The following RUFY4 variants were observed in gnomAD, a reference collection of about 807,000 sequenced individuals.
RUFY4 encodes the protein RUN and FYVE domain containing 4, also known as RUN and FYVE domain-containing protein 4.
In RUFY4, 73 loss-of-function variants were observed where a neutral mutation model predicts 69.0. The ratio of observed to expected loss-of-function variants is 1.06; its 90% CI spans 0.88 to 1.29. RUFY4 has a LOEUF of 1.29. Among genes scored for constraint, RUFY4 ranks in the 50% most tolerant of loss-of-function variants. RUFY4 has a pLI of 0.00. For missense variants in RUFY4, 770 were observed against 705.6 expected (o/e 1.09, Z -1.03); for synonymous variants, 287 against 271.8 (o/e 1.06, Z -0.55).
chr2:218,072,548 A>G (rs1297589465), intron 3 of RUFY4, 49 bp downstream of exon 5: 1 of 1,529,510 alleles, frequency 6.5e-7, no homozygotes, highest in Non-Finnish European at 8.7e-7. Context: ...GGGTAGACAT[A>G]GGCCTCCTCC....
chr2:218,045,968 C>T (rs572073212), intron 2 of RUFY4, among the ~76,000 whole-genome samples: 1 of 152,098 alleles, frequency 6.6e-6, no homozygotes, highest in Admixed American at 6.5e-5. Context: ...TGGCGCCCGG[C>T]TAATTTTTTT....
exon 5 of RUFY4, chr2:218,073,304 T>C: frequency 6.4e-7 from 1 of 1,561,774 alleles, no homozygotes; most frequent in East Asian, 2.4e-5. Flanking sequence ...CATCCTGGAC[T>C]CTCTCTATGC....
intron 3 of RUFY4, among the ~76,000 whole-genome samples, chr2:218,058,877 A>G (rs1310062714): frequency 6.6e-6 from 1 of 152,122 alleles, no homozygotes; most frequent in African/African-American, 2.4e-5. Flanking sequence ...GACACTCCTG[A>G]CTACTGCTTC....
At chr2:218,054,392 T>C (rs913219314) in intron 2 of RUFY4, among the ~76,000 whole-genome samples, 3 of 151,886 alleles carry the variant, frequency 2.0e-5, no homozygotes, top group African/African-American at 7.3e-5. Context: ...CCAACTCTAC[T>C]GAAAATACAA....
chr2:218,060,200 G>T, intron 3 of RUFY4: 1 of 706,518 alleles, frequency 1.4e-6, no homozygotes, highest in Non-Finnish European at 2.3e-6. Context: ...TAGTAAGAAC[G>T]TGGCCTCCTC....
In RUFY4 at chr2:218,077,827, T is replaced by C. The variant is rs116077359; in HGVS notation, c.1355+1294T>C. ...ACTCCACACTCAGCTGAGCACACAG[T>C]GTGGTCGCAAAGGTTTCCACGATTC... On this transcript the variant is annotated intron_variant, in intron 8 of 10. Transcript: ENST00000344321. Among the ~76,000 whole-genome samples, 1,432 of 152,332 alleles carry C rather than the reference T, an allele frequency of 9.4e-3. 29 individuals carry two copies. Among genetic ancestry groups the C allele is most frequent in the African/African-American group, 0.032 (1,335 of 41,582 alleles).
intron 2 of RUFY4, among the ~76,000 whole-genome samples, chr2:218,042,359 C>T (rs10498058): frequency 0.1 from 15,164 of 152,230 alleles, 2,363 homozygotes; most frequent in African/African-American, 0.34. Context: ...CCATTTCTTA[C>T]CAATATGAGC....
exon 10 of RUFY4, chr2:218,089,294 C>T (rs367943866): frequency 5.6e-6 from 9 of 1,613,820 alleles, no homozygotes; most frequent in Middle Eastern, 1.6e-4. Context: ...ATCTCTCTTC[C>T]ATGGCTCCCG....
chr2:218,048,803 GA>G (rs1688883833), intron 2 of RUFY4, among the ~76,000 whole-genome samples: 1 of 152,124 alleles, frequency 6.6e-6, no homozygotes, highest in African/African-American at 2.4e-5. Flanking sequence ...AGAGGAAACA[GA>G]GGTAAACATG....
At chr2:218,074,146 G>A (rs1303136416) in intron 6 of RUFY4, among the ~76,000 whole-genome samples, 1 of 152,100 alleles carries the variant, frequency 6.6e-6, no homozygotes, top group Non-Finnish European at 1.5e-5. Context: ...GCCCAGACAA[G>A]GAGAAAGTGC....
intron 2 of RUFY4, among the ~76,000 whole-genome samples, chr2:218,043,495 G>C (rs1173946743): frequency 6.6e-6 from 1 of 152,178 alleles, no homozygotes; most frequent in Non-Finnish European, 1.5e-5. Flanking sequence ...TCAGCAGAGA[G>C]AGTAGGTCCT....
chr2:218,090,035 G>C, exon 11 of RUFY4: 1 of 1,551,464 alleles, frequency 6.4e-7, no homozygotes, highest in Non-Finnish European at 8.7e-7. Context: ...GCCCAGGGAA[G>C]AGAAGCCCAG....
rs749099849 is a variant in RUFY4, at chr2:218,073,962, C to G, written c.600+77C>G. The G allele has an allele frequency of 3.0e-5, 42 of 1,411,454 alleles. No homozygotes were observed. The Middle Eastern group carries it at 5.3e-4, about 18-fold the overall frequency. 87.4% of individuals were successfully genotyped at this position (1,411,454 alleles called of 1,614,324 possible). On this transcript the variant is annotated intron_variant, in intron 6 of 10. Coordinates refer to ENST00000344321, the Ensembl canonical transcript of RUFY4. ...ATCCTCAAGTTGAGTAGAAACTGAG[C>G]TTCCCCCTCCGAGTGTACAGAGAGC...
At chr2:218,087,093 G>A (rs1014219688) in intron 9 of RUFY4, among the ~76,000 whole-genome samples, 2 of 151,872 alleles carry the variant, frequency 1.3e-5, no homozygotes, top group African/African-American at 4.8e-5. Context: ...TTCAGTGTTA[G>A]AATCAACTTA....
chr2:218,068,910 T>G (rs1452136293), upstream of RUFY4: 1 of 152,260 alleles, frequency 6.6e-6, no homozygotes, highest in Non-Finnish European at 1.5e-5. Flanking sequence ...CCCAACCAAG[T>G]GACAGAGACG....
chr2:218,074,103 G>A (rs914677041), intron 6 of RUFY4, among the ~76,000 whole-genome samples: 1 of 152,130 alleles, frequency 6.6e-6, no homozygotes, highest in African/African-American at 2.4e-5. Context: ...GGGAGAGAAA[G>A]GGAACTCTAG....
chr2:218,037,706 C>T (rs997311038), intron 2 of RUFY4, among the ~76,000 whole-genome samples: 2 of 152,160 alleles, frequency 1.3e-5, no homozygotes, highest in Admixed American at 1.3e-4. Context: ...ATATGACATC[C>T]CAGTCAATGC....
chr2:218,044,935 C>A (rs1430526528), intron 2 of RUFY4, among the ~76,000 whole-genome samples: 1 of 152,142 alleles, frequency 6.6e-6, no homozygotes, highest in Non-Finnish European at 1.5e-5. Flanking sequence ...GGAAGGATTT[C>A]TATTCCTTTG....
chr2:218,058,693 G>A (rs867437615), intron 3 of RUFY4: 1 of 152,238 alleles, frequency 6.6e-6, no homozygotes, highest in Admixed American at 6.5e-5. Context: ...TCAGTGCAAG[G>A]TGCCAGACAC....
Sources: gnomAD v4.1 joint callset for allele counts (sites outside exome capture counted in the v4.1 genomes callset) on GRCh38, gnomAD v4.1.1 for gene constraint, MANE v1.5 for transcripts, NCBI Gene and HGNC (gene_info 2026-07-23, HGNC 2026-07-21) for gene names.